Variants in ARL3 observed in about 807,000 individuals in gnomAD.
ARL3 encodes ARF like GTPase 3, also known as ADP-ribosylation factor-like protein 3.
A neutral mutation model predicts 26.0 loss-of-function variants in ARL3; 9 were observed. The ratio of observed to expected loss-of-function variants is 0.35; its 90% CI spans 0.21 to 0.60. The LOEUF (loss-of-function observed/expected upper bound fraction) is 0.60. Among genes scored for constraint, ARL3 ranks in the 20% least tolerant of loss-of-function variants. The probability of loss-of-function intolerance (pLI) is 0.78; values close to 1 mark genes in which losing one functional copy is unlikely to be tolerated. For missense variants in ARL3, 158 were observed against 215.7 expected (o/e 0.73, Z 1.67); for synonymous variants, 71 against 78.4 (o/e 0.91, Z 0.50).
chr10:102,679,860 C>T (rs540053964), intron 5 of ARL3, among the ~76,000 whole-genome samples: 1 of 152,294 alleles, frequency 6.6e-6, no homozygotes, highest in South Asian at 2.1e-4. Context: ...AGTGGAAATG[C>T]TACATTTAGA....
intron 2 of ARL3, 42 bp from the exon 3 acceptor site, chr10:102,699,531 G>A: frequency 8.3e-7 from 1 of 1,205,554 alleles, no homozygotes; most frequent in Non-Finnish European, 1.2e-6. Context: ...TAAACTTTGG[G>A]ATCATAATTC....
At chr10:102,694,025 T>C (rs1590123681) in intron 3 of ARL3, among the ~76,000 whole-genome samples, 1 of 152,310 alleles carries the variant, frequency 6.6e-6, no homozygotes, top group Middle Eastern at 3.4e-3. Flanking sequence ...TCTTGCTCTG[T>C]CGCCCAGGCT....
chr10:102,713,538 G>A (rs191851177), intron 1 of ARL3, among the ~76,000 whole-genome samples: 87 of 152,304 alleles, frequency 5.7e-4, no homozygotes, highest in Middle Eastern at 3.4e-3. Context: ...TCTAGAGACG[G>A]AGCAGCTAAT....
At position 102,679,990 on chromosome 10, in the gene ARL3, C is replaced by T. The variant is rs573743150; in HGVS notation, c.502-3049G>A. Among the ~76,000 whole-genome samples the T allele has an allele frequency of 4.6e-5, 7 of 152,246 alleles. 1 individual carries two copies. Among genetic ancestry groups the T allele is most frequent in the African/African-American group, 1.4e-4 (6 of 41,544 alleles). On this transcript the variant is annotated intron_variant, in intron 5 of 5. Transcript: ENST00000260746. Reference sequence around the variant, plus strand: ...TTTTTGAGACGGAGTCTTGCTCTGTCGCCCAGGCTGGAGTGCAGTGGCATG... The same window carrying T: ...TTTTTGAGACGGAGTCTTGCTCTGTTGCCCAGGCTGGAGTGCAGTGGCATG...
In ARL3 at chr10:102,675,619, G is replaced by A. The variant is rs2064126186; in HGVS notation, c.*1275C>T. On this transcript the variant is annotated 3_prime_UTR_variant, in exon 6 of 6. Transcript: ENST00000260746. ...TTCTGAGGTTCAGGGAAACAAGCTC[G>A]TTTTGCAACGAGGGGCAGGAGAAAT... 6.6e-6 allele frequency: 1 copy of A among 152,190 alleles called. No individual in the cohort carries two copies. Among genetic ancestry groups the A allele is most frequent in the Non-Finnish European group, 1.5e-5 (1 of 68,044 alleles). The allele number at this position is 152,190 out of a possible 1,614,324, so 9.4% of individuals were successfully genotyped here.
At chr10:102,688,967 C>T (rs2064202429) in intron 4 of ARL3, among the ~76,000 whole-genome samples, 1 of 152,202 alleles carries the variant, frequency 6.6e-6, no homozygotes, top group Admixed American at 6.5e-5. Flanking sequence ...GGGCATGGTG[C>T]TAAGTTCCAC....
intron 2 of ARL3, among the ~76,000 whole-genome samples, chr10:102,704,650 T>C (rs1353560890): frequency 6.6e-6 from 1 of 152,078 alleles, no homozygotes; most frequent in Admixed American, 6.6e-5. Context: ...AAAAAATAAA[T>C]AATTTAAAGA....
At chr10:102,677,043 C>T (rs896328545) in intron 5 of ARL3, 102 bp from the exon 6 acceptor site, 1 of 1,312,430 alleles carries the variant, frequency 7.6e-7, no homozygotes, top group African/African-American at 1.5e-5. Flanking sequence ...GCCCTCCCTC[C>T]CAGACCGCCA....
At chr10:102,679,156 G>A (rs1430416055) in intron 5 of ARL3, among the ~76,000 whole-genome samples, 6 of 152,186 alleles carry the variant, frequency 3.9e-5, no homozygotes, top group African/African-American at 1.4e-4. Context: ...GGAGGTGGGA[G>A]GGGAGGGAAG....
intron 5 of ARL3, among the ~76,000 whole-genome samples, chr10:102,681,081 G>A (rs2064154037): frequency 6.6e-6 from 1 of 152,108 alleles, no homozygotes; most frequent in Non-Finnish European, 1.5e-5. Context: ...GAAAGAAGTG[G>A]TAAATTTTGT....
Position 102,714,322 on chromosome 10 carries a change from C to G in ARL3, c.-47G>C. The G allele has an allele frequency of 7.7e-7, 1 of 1,304,314 alleles. No individual in the cohort carries two copies. The allele number at this position is 1,304,314 out of a possible 1,614,324, so 80.8% of individuals were successfully genotyped here. On this transcript the variant is annotated 5_prime_UTR_variant, in exon 1 of 6. Coordinates refer to ENST00000260746, the MANE Select transcript of ARL3 (RefSeq NM_004311.4). Reference sequence around the variant, plus strand: ...CTCCTCCTCCTCCTGCTGCCTCCCCCGTTACCAGGGGCAACTGCTGCGGCG... The same window carrying G: ...CTCCTCCTCCTCCTGCTGCCTCCCCGGTTACCAGGGGCAACTGCTGCGGCG...
intron 5 of ARL3, among the ~76,000 whole-genome samples, chr10:102,685,249 CAAAAAAAA>C (rs66482677): frequency 9.5e-6 from 1 of 105,446 alleles, no homozygotes; most frequent in African/African-American, 4.2e-5. Flanking sequence ...AACTCCGTCT[CAAAAAAAA>C]AAAAAAAAAA....
In ARL3 at chr10:102,689,884, A is replaced by T. The variant is rs745591956; in HGVS notation, c.315+9T>A. ...TATAAGAACTTTGATATAAAAAAGA[A>T]TTATTTACCTGACCCGTCTCTTCAA... On this transcript the variant is annotated intron_variant, in intron 4 of 5. Coordinates refer to ENST00000260746, the MANE Select transcript of ARL3 (RefSeq NM_004311.4). 1.3e-6 allele frequency: 2 copies of T among 1,565,492 alleles called. No homozygotes were observed. The highest frequency in any genetic ancestry group is 2.3e-5 in the South Asian group (2 of 87,344).
intron 4 of ARL3, 40 bp from the exon 5 acceptor site, chr10:102,686,041 T>C: frequency 6.6e-7 from 1 of 1,517,864 alleles, no homozygotes; most frequent in Non-Finnish European, 9.0e-7. Context: ...GGTTAAAATC[T>C]ATACATCTAT....
chr10:102,693,173 G>A (rs1407136481), intron 3 of ARL3, among the ~76,000 whole-genome samples: 1 of 152,184 alleles, frequency 6.6e-6, no homozygotes, highest in African/African-American at 2.4e-5. Context: ...AGAATTTTGT[G>A]TGGAATATCA....
chr10:102,689,815 C>T (rs2064207093), intron 4 of ARL3, 78 bp downstream of exon 4: 1 of 912,650 alleles, frequency 1.1e-6, no homozygotes, highest in Admixed American at 2.5e-5. Context: ...GCAACAAGAG[C>T]AAAAACTCCG....
At chr10:102,682,451 G>C (rs370736324) in intron 5 of ARL3, among the ~76,000 whole-genome samples, 1 of 152,170 alleles carries the variant, frequency 6.6e-6, no homozygotes, top group African/African-American at 2.4e-5. Context: ...TGAACAACAC[G>C]TGGTACTTCC....
intron 3 of ARL3, among the ~76,000 whole-genome samples, chr10:102,692,189 T>C (rs546550051): frequency 6.6e-6 from 1 of 152,354 alleles, no homozygotes; most frequent in South Asian, 2.1e-4. Context: ...TTAGAGCTTA[T>C]GATTTAAAAT....
At chr10:102,678,574 C>T (rs981952537) in intron 5 of ARL3, among the ~76,000 whole-genome samples, 2 of 152,196 alleles carry the variant, frequency 1.3e-5, no homozygotes, top group Non-Finnish European at 2.9e-5. Flanking sequence ...AAGGTGGGCA[C>T]CTCAACACTC....
Sources: allele counts gnomAD v4.1 joint callset (sites outside exome capture counted in the v4.1 genomes callset), GRCh38; gene constraint gnomAD v4.1.1; transcripts MANE v1.5; gene names NCBI Gene and HGNC (gene_info 2026-07-23, HGNC 2026-07-21).